Variants in SERPINB11 observed in about 807,000 individuals in gnomAD.
SERPINB11 encodes serpin B11.
Under a neutral mutation model 36.7 loss-of-function variants are expected in SERPINB11, and 32 were observed. That is an observed-to-expected ratio of 0.87 (90% CI 0.66 to 1.17). The LOEUF (loss-of-function observed/expected upper bound fraction) is 1.17. Ranked by LOEUF, SERPINB11 falls within the 50% of genes most tolerant of loss-of-function variation. The probability of loss-of-function intolerance (pLI) is 0.00; values close to 1 mark genes in which losing one functional copy is unlikely to be tolerated. For synonymous variants in SERPINB11, 174 were observed against 168.1 expected, an observed-to-expected ratio of 1.04 and a Z score of -0.27; for missense variants, 528 against 458.4, an observed-to-expected ratio of 1.15 and a Z score of -1.39.
rs746042954 is a variant in SERPINB11 at position 63,723,116 on chromosome 18, C to T, written c.896C>T (p.Ser299Phe). Residue 299 changes from serine to phenylalanine, a missense_variant, in exon 8 of 8, where the codon TCC (serine) becomes TTC (phenylalanine). Ser to Phe is a radical substitution (Grantham distance 155). Coordinates refer to ENST00000544088, the MANE Select transcript of SERPINB11 (RefSeq NM_001370475.1). ...FKLETKYELN[S>F]LLKSLGVTDL... The stretch of plus-strand genomic sequence containing the variant: ...CTTGAAACTAAGTATGAGCTAAATT[C>T]CCTGTTAAAATCTCTAGGGGTGACA... 1.9e-6 allele frequency: 3 copies of T among 1,607,318 alleles called. No individual in the cohort carries two copies. The highest frequency in any genetic ancestry group is 2.6e-6 in the Non-Finnish European group (3 of 1,176,434).
intron 1 of SERPINB11, chr18:63,705,745 A>T (rs1429548569): frequency 6.6e-6 from 1 of 152,254 alleles, no homozygotes; most frequent in East Asian, 1.9e-4. Context: ...TGAATAGGCG[A>T]TTTTATAACA....
At chr18:63,715,607 G>A (rs1466966) in intron 4 of SERPINB11, among the ~76,000 whole-genome samples, 56,331 of 151,766 alleles carry the variant, frequency 0.37, 11,275 homozygotes, top group East Asian at 0.61. Flanking sequence ...TATCATGGGA[G>A]CAACCTTCTG....
At chr18:63,710,934 A>G (rs1038780238) in intron 2 of SERPINB11, among the ~76,000 whole-genome samples, 1 of 152,164 alleles carries the variant, frequency 6.6e-6, no homozygotes, top group African/African-American at 2.4e-5. Context: ...ATACTTGCAA[A>G]TCTTATTATT....
chr18:63,720,783 T>C, intron 6 of SERPINB11, 48 bp from the exon 7 acceptor site: 3 of 1,375,120 alleles, frequency 2.2e-6, no homozygotes, highest in Non-Finnish European at 1.0e-6. Context: ...TACACACACA[T>C]GTGCACTCAC....
At chr18:63,720,751 C>T in intron 6 of SERPINB11, 80 bp from the exon 7 acceptor site, 1 of 1,012,156 alleles carries the variant, frequency 9.9e-7, no homozygotes, top group South Asian at 1.6e-5. Context: ...ATGCAGATAT[C>T]CGTGTTATGC....
chr18:63,714,831 C>T (rs1207284341), intron 4 of SERPINB11, among the ~76,000 whole-genome samples: 1 of 152,092 alleles, frequency 6.6e-6, no homozygotes, highest in Non-Finnish European at 1.5e-5. Context: ...AGGTGATATA[C>T]ATCCTCAGCT....
rs1914887339 is a variant in SERPINB11 at position 63,723,625 on chromosome 18, C to T, written c.*226C>T. On this transcript the variant is annotated 3_prime_UTR_variant, in exon 8 of 8. Transcript: ENST00000544088. The stretch of plus-strand genomic sequence containing the variant: ...TTATGCAGAAAGCCTTTCTGGCTTT[C>T]TTATCTGTGGTGTCTCATTTGAGTG... The T allele has an allele frequency of 1.1e-5, 5 of 455,126 alleles. No individual in the cohort carries two copies. The highest frequency in any genetic ancestry group is 3.8e-5 in the Admixed American group (1 of 26,236). 28.2% of individuals were successfully genotyped at this position (455,126 alleles called of 1,614,324 possible). A position where few individuals can be genotyped will look rare whatever the true frequency, so the allele number is the denominator to read the frequency against.
At chr18:63,722,824 G>A (rs780723325) in intron 7 of SERPINB11, among the ~76,000 whole-genome samples, 171 bp from the exon 8 acceptor site, 3 of 152,140 alleles carry the variant, frequency 2.0e-5, no homozygotes. Flanking sequence ...CAACAGAAAA[G>A]GGAAAATGTG....
At chr18:63,712,454 T>C in intron 3 of SERPINB11, 111 bp from the exon 4 acceptor site, 1 of 1,103,266 alleles carries the variant, frequency 9.1e-7, no homozygotes, top group Non-Finnish European at 1.3e-6. Context: ...TTCCTTGTAT[T>C]CACAGCCCTT....
Position 63,710,328 on chromosome 18 carries a change from T to C in SERPINB11, c.135T>C (p.Gly45=). Residue 45 remains glycine (G), a synonymous_variant, in exon 2 of 8, where the codon GGT becomes GGC. Coordinates refer to ENST00000544088, the MANE Select transcript of SERPINB11 (RefSeq NM_001370475.1). ...ATGCTCTAAGCATGGTCCTCCTTGGTGCCAGGGGAGAGACTGAAGAGCAAT... is the reference window on the plus strand; with the variant it reads ...ATGCTCTAAGCATGGTCCTCCTTGGCGCCAGGGGAGAGACTGAAGAGCAAT... ...LLYALSMVLL[G]ARGETEEQLE... 6.2e-7 allele frequency: 1 copy of C among 1,613,460 alleles called. No homozygotes were observed. The highest frequency in any genetic ancestry group is 8.5e-7 in the Non-Finnish European group (1 of 1,179,612).
chr18:63,712,843 A>G, intron 4 of SERPINB11, 150 bp downstream of exon 4: 1 of 927,080 alleles, frequency 1.1e-6, no homozygotes, highest in South Asian at 1.8e-5. Context: ...AAATGGATTT[A>G]TTGAAACTCT....
At chr18:63,714,083 C>T (rs1216321489) in intron 4 of SERPINB11, among the ~76,000 whole-genome samples, 1 of 152,110 alleles carries the variant, frequency 6.6e-6, no homozygotes, top group East Asian at 1.9e-4. Context: ...TTTCTGTTTT[C>T]CCTATGTGTC....
intron 1 of SERPINB11, among the ~76,000 whole-genome samples, chr18:63,704,397 A>T (rs934052670): frequency 4.6e-5 from 7 of 152,226 alleles, no homozygotes. Flanking sequence ...ATTGTGAAAG[A>T]TCTCTGCAAA....
intron 1 of SERPINB11, among the ~76,000 whole-genome samples, chr18:63,703,728 G>T (rs529485789): frequency 6.6e-6 from 1 of 152,308 alleles, no homozygotes; most frequent in Admixed American, 6.5e-5. Flanking sequence ...TGGTGTCTTA[G>T]CCACCCTTGG....
chr18:63,716,231 C>G, intron 5 of SERPINB11, 79 bp downstream of exon 5: 1 of 879,970 alleles, frequency 1.1e-6, no homozygotes, highest in East Asian at 2.7e-5. Context: ...AAAGAGGAAG[C>G]TGGCTGAAGT....
rs192457429 is a variant in SERPINB11 at position 63,723,131 on chromosome 18, T to C, written c.911T>C (p.Leu304Pro). Residue 304 changes from leucine (L) to proline (P), a missense_variant, in exon 8 of 8, where the codon CTA (leucine) becomes CCA (proline). Leu to Pro is a moderately conservative substitution (Grantham distance 98). Coordinates refer to ENST00000544088, the MANE Select transcript of SERPINB11 (RefSeq NM_001370475.1). The stretch of plus-strand genomic sequence containing the variant: ...GAGCTAAATTCCCTGTTAAAATCTC[T>C]AGGGGTGACAGATCTCTTCAACCAG... ...KYELNSLLKS[L>P]GVTDLFNQVK... The C allele has an allele frequency of 5.2e-3, 8,356 of 1,609,704 alleles. 24 individuals carry two copies. Among genetic ancestry groups the C allele is most frequent in the Non-Finnish European group, 6.3e-3 (7,428 of 1,177,592 alleles).
intron 1 of SERPINB11, chr18:63,705,739 T>C (rs1364460426): frequency 6.6e-6 from 1 of 152,268 alleles, no homozygotes; most frequent in Non-Finnish European, 1.5e-5. Context: ...GATATGTGAA[T>C]AGGCGATTTT....
chr18:63,711,893 G>A (rs956820476), intron 3 of SERPINB11, among the ~76,000 whole-genome samples: 1 of 152,054 alleles, frequency 6.6e-6, no homozygotes, highest in Non-Finnish European at 1.5e-5. Flanking sequence ...GTTTGATTAC[G>A]ATTGGTTGAG....
upstream of SERPINB11, chr18:63,702,938 TC>T (rs11301221): frequency 0.36 from 55,060 of 151,634 alleles, 10,764 homozygotes; most frequent in East Asian, 0.53. Flanking sequence ...GCTTTATATT[TC>T]CTTTTGAGGG....
Sources: allele counts gnomAD v4.1 joint callset (sites outside exome capture counted in the v4.1 genomes callset), GRCh38; gene constraint gnomAD v4.1.1; transcripts MANE v1.5; gene names NCBI Gene and HGNC (gene_info 2026-07-23, HGNC 2026-07-21).